LRRC2: variants seen among roughly 807,000 people sequenced by gnomAD.
LRRC2 encodes the protein leucine rich repeat containing 2, also known as leucine-rich repeat-containing protein 2.
In LRRC2, 27 loss-of-function variants were observed where a neutral mutation model predicts 40.2. The ratio of observed to expected loss-of-function variants is 0.67; its 90% CI spans 0.49 to 0.93. The LOEUF is 0.93. Ranked by LOEUF, LRRC2 falls within the 40% of genes least tolerant of loss-of-function variation. The pLI is 0.00. For missense variants in LRRC2, 402 were observed against 439.6 expected (o/e 0.91, Z 0.76); for synonymous variants, 147 against 158.9 (o/e 0.92, Z 0.56).
Position 46,566,283 on chromosome 3 carries a change from G to C in LRRC2, c.-126C>G, listed in dbSNP as rs1365427590. On this transcript the variant is annotated 5_prime_UTR_variant, in exon 1 of 9. Transcript: ENST00000395905. The stretch of plus-strand genomic sequence containing the variant: ...GCTGTTTACACCCGCTGAGCAGCAC[G>C]GCCGAGCCGGAAGAAGCCTCCCGTG... The C allele has an allele frequency of 6.6e-6, 1 of 151,072 alleles. No homozygotes were observed. Among genetic ancestry groups the C allele is most frequent in the African/African-American group, 2.4e-5 (1 of 41,422 alleles). The allele number at this position is 151,072 out of a possible 1,614,324, so 9.4% of individuals were successfully genotyped here.
intron 1 of LRRC2, among the ~76,000 whole-genome samples, 151 bp from the exon 2 acceptor site, chr3:46,551,761 T>TA (rs1240330108): frequency 4.7e-5 from 7 of 149,812 alleles, no homozygotes; most frequent in African/African-American, 1.7e-4. Context: ...CTTTTTTTTT[T>TA]TTTTTTTTTT....
At chr3:46,555,682 T>C (rs183329284) in intron 1 of LRRC2, among the ~76,000 whole-genome samples, 1 of 152,316 alleles carries the variant, frequency 6.6e-6, no homozygotes, top group Non-Finnish European at 1.5e-5. Flanking sequence ...AGTTGTCTTA[T>C]GTATTATGTC....
At chr3:46,558,792 G>A (rs374975166) in intron 1 of LRRC2, 1 of 152,200 alleles carries the variant, frequency 6.6e-6, no homozygotes, top group Non-Finnish European at 1.5e-5. Flanking sequence ...AAGAAAGCGT[G>A]ACGGTTTGCT....
chr3:46,541,021 G>A (rs1704374449), intron 3 of LRRC2, among the ~76,000 whole-genome samples: 1 of 152,192 alleles, frequency 6.6e-6, no homozygotes, highest in African/African-American at 2.4e-5. Context: ...TTATGTTCAT[G>A]ACTATTTTCA....
chr3:46,524,324 A>T (rs1410264957), intron 7 of LRRC2, among the ~76,000 whole-genome samples: 1 of 152,186 alleles, frequency 6.6e-6, no homozygotes, highest in African/African-American at 2.4e-5. Flanking sequence ...AGGCTACCTT[A>T]GAGAAAATCT....
In LRRC2 at chr3:46,518,877, AT is replaced by A. The variant is rs549962274; in HGVS notation, c.*136del. The stretch of plus-strand genomic sequence containing the variant: ...CTCATGTATTTGACATTTGAAAACC[AT>A]TTTTTTTAGCAACTATGATAGTGGT... On this transcript the variant is annotated 3_prime_UTR_variant, in exon 9 of 9. Transcript: ENST00000395905. 1.4e-4 allele frequency: 96 copies of A among 674,728 alleles called. No individual in the cohort carries two copies. The highest frequency in any genetic ancestry group is 3.1e-4 in the South Asian group (16 of 51,584). The allele number at this position is 674,728 out of a possible 1,614,324, so 41.8% of individuals were successfully genotyped here. A position where few individuals can be genotyped will look rare whatever the true frequency, so the allele number is the denominator to read the frequency against.
intron 4 of LRRC2, 48 bp from the exon 5 acceptor site, chr3:46,532,957 T>G: frequency 1.3e-6 from 2 of 1,584,452 alleles, no homozygotes; most frequent in Non-Finnish European, 1.7e-6. Flanking sequence ...GTTTAAGGTC[T>G]TTTAAGAACA....
At position 46,515,451 on chromosome 3, in the gene LRRC2, A is replaced by G. The variant is rs147123612; in HGVS notation, c.*3563T>C. 1.1e-4 allele frequency: 16 copies of G among 152,308 alleles called. No homozygotes were observed. Among genetic ancestry groups the G allele is most frequent in the African/African-American group, 3.6e-4 (15 of 41,580 alleles). The allele number at this position is 152,308 out of a possible 1,614,324, so 9.4% of individuals were successfully genotyped here. A position where few individuals can be genotyped will look rare whatever the true frequency, so the allele number is the denominator to read the frequency against. On this transcript the variant is annotated 3_prime_UTR_variant, in exon 9 of 9. Transcript: ENST00000395905. ...TTAATATTCATACATGTATTCTGCC[A>G]TGTAAATAACCTTTCCAAATTATGT...
intron 1 of LRRC2, among the ~76,000 whole-genome samples, chr3:46,553,438 A>C (rs1372359750): frequency 6.6e-6 from 1 of 152,166 alleles, no homozygotes; most frequent in Non-Finnish European, 1.5e-5. Flanking sequence ...TATGAAGCCA[A>C]ATATTTAATC....
Position 46,531,769 on chromosome 3 carries a change from C to T in LRRC2, c.627+1004G>A, listed in dbSNP as rs116377846. On this transcript the variant is annotated intron_variant, in intron 5 of 8. Transcript: ENST00000395905. ...GGTGCTAACAGCTTAGAAGCAGCCACTTCCTCCTACCCTGCAGCATTCAGG... is the reference window on the plus strand; with the variant it reads ...GGTGCTAACAGCTTAGAAGCAGCCATTTCCTCCTACCCTGCAGCATTCAGG... 7.3e-3 allele frequency among the ~76,000 whole-genome samples: 1,115 copies of T among 152,234 alleles called. 9 individuals are homozygous for T. Among genetic ancestry groups the T allele is most frequent in the African/African-American group, 0.025 (1,040 of 41,538 alleles).
intron 1 of LRRC2, among the ~76,000 whole-genome samples, chr3:46,551,956 A>G (rs945391953): frequency 2.0e-5 from 3 of 151,770 alleles, no homozygotes; most frequent in Admixed American, 6.6e-5. Context: ...TCACACCATC[A>G]CACCCAACTA....
intron 1 of LRRC2, among the ~76,000 whole-genome samples, chr3:46,563,957 G>A (rs17287098): frequency 0.15 from 22,423 of 152,254 alleles, 1,728 homozygotes; most frequent in Middle Eastern, 0.18. Flanking sequence ...CACAGAAACC[G>A]TGTGTACTGA....
At chr3:46,543,708 C>G (rs1294051929) in intron 3 of LRRC2, among the ~76,000 whole-genome samples, 5 of 151,882 alleles carry the variant, frequency 3.3e-5, no homozygotes, top group Non-Finnish European at 7.4e-5. Flanking sequence ...CATGAGGGCT[C>G]GTGACAGGTT....
intron 1 of LRRC2, among the ~76,000 whole-genome samples, chr3:46,552,171 T>G (rs1293409023): frequency 3.3e-5 from 5 of 152,104 alleles, no homozygotes; most frequent in African/African-American, 1.2e-4. Flanking sequence ...CCCCTGGGGA[T>G]TCCTCAAACT....
intron 8 of LRRC2, among the ~76,000 whole-genome samples, chr3:46,520,875 TG>T (rs968917084): frequency 1.3e-5 from 2 of 152,192 alleles, no homozygotes; most frequent in African/African-American, 4.8e-5. Context: ...GCCTTTTTCC[TG>T]GGGAAGCTGT....
chr3:46,533,904 T>C, intron 4 of LRRC2, among the ~76,000 whole-genome samples: 1 of 148,506 alleles, frequency 6.7e-6, no homozygotes. Context: ...CTTTCTTTTC[T>C]TTTTTTTTTA....
chr3:46,521,072 G>A (rs868276543), intron 8 of LRRC2, among the ~76,000 whole-genome samples: 5 of 152,082 alleles, frequency 3.3e-5, no homozygotes, highest in African/African-American at 7.2e-5. Context: ...GCATCTATGC[G>A]CAAATTGGCC....
chr3:46,527,649 A>G (rs1704083993), intron 6 of LRRC2, 68 bp from the exon 7 acceptor site: 1 of 1,341,596 alleles, frequency 7.5e-7, no homozygotes. Context: ...AACATGAATT[A>G]CAAATAAATT....
At position 46,532,343 on chromosome 3, in the gene LRRC2, A is replaced by C. The variant is rs564510177; in HGVS notation, c.627+430T>G. Among the ~76,000 whole-genome samples the C allele has an allele frequency of 2.6e-5, 4 of 152,328 alleles. No homozygotes were observed. In the East Asian group the frequency reaches 7.7e-4, roughly 29 times the overall value. On this transcript the variant is annotated intron_variant, in intron 5 of 8. Coordinates refer to ENST00000395905, the MANE Select transcript of LRRC2 (RefSeq NM_024512.5). ...AAGAAGGGCAGGTGCGGTGGCTCAC[A>C]CCTGTAATCCCAGGACTCTGGGAGG...
Sources: allele counts gnomAD v4.1 joint callset (sites outside exome capture counted in the v4.1 genomes callset), GRCh38; gene constraint gnomAD v4.1.1; transcripts MANE v1.5; gene names NCBI Gene and HGNC (gene_info 2026-07-23, HGNC 2026-07-21).